The following UMAD1 variants were observed in gnomAD, a reference collection of about 807,000 sequenced individuals.
UMAD1 encodes the protein UBAP1-MVB12-associated (UMA) domain containing 1.
UMAD1 carries 8 observed loss-of-function variants against 6.1 expected under a neutral mutation model. The observed-to-expected ratio is 1.30, with a 90% CI of 0.76 to 2.35. The LOEUF is 2.35. Ranked by LOEUF, UMAD1 falls within the 30% of genes most tolerant of loss-of-function variation. The pLI is 0.00. For missense variants in UMAD1, 130 were observed against 78.4 expected, an observed-to-expected ratio of 1.66 and a Z score of -2.49; for synonymous variants, 56 against 31.4, an observed-to-expected ratio of 1.78 and a Z score of -2.61.
intron 2 of UMAD1, among the ~76,000 whole-genome samples, chr7:7,759,687 C>G (rs1781845455): frequency 6.6e-6 from 1 of 152,132 alleles, no homozygotes; most frequent in African/African-American, 2.4e-5. Flanking sequence ...GAAATTTAAG[C>G]TGGTCCTTTA....
chr7:7,761,910 C>T (rs796719772), intron 2 of UMAD1, among the ~76,000 whole-genome samples: 11 of 152,248 alleles, frequency 7.2e-5, no homozygotes, highest in African/African-American at 2.6e-4. Context: ...CCTTTGCAGG[C>T]CCTTTTCCCT....
At chr7:7,706,220 C>T (rs988562124) in intron 2 of UMAD1, among the ~76,000 whole-genome samples, 10 of 151,924 alleles carry the variant, frequency 6.6e-5, no homozygotes, top group African/African-American at 7.3e-5. Flanking sequence ...CAGAACAAAA[C>T]GGATAATCAC....
intron 2 of UMAD1, among the ~76,000 whole-genome samples, chr7:7,787,787 T>C (rs1386815262): frequency 1.3e-5 from 2 of 152,226 alleles, no homozygotes; most frequent in African/African-American, 4.8e-5. Flanking sequence ...ACCCTGTCCT[T>C]ATTGTAGAAA....
chr7:7,863,344 CTG>C (rs1466365092), intron 3 of UMAD1, among the ~76,000 whole-genome samples: 1 of 152,164 alleles, frequency 6.6e-6, no homozygotes, highest in Non-Finnish European at 1.5e-5. Context: ...ACTTTGAAAA[CTG>C]TATAGAGCAC....
At chr7:7,667,738 C>G (rs1242615832) in intron 1 of UMAD1, among the ~76,000 whole-genome samples, 1 of 152,194 alleles carries the variant, frequency 6.6e-6, no homozygotes, top group African/African-American at 2.4e-5. Context: ...ATGTATTTGA[C>G]TAACATTGAG....
intron 3 of UMAD1, among the ~76,000 whole-genome samples, chr7:7,810,195 C>G (rs1305423735): frequency 1.4e-5 from 2 of 144,360 alleles, no homozygotes; most frequent in Admixed American, 7.0e-5. Context: ...TTATGAAACT[C>G]TTTACTCACA....
chr7:7,657,669 A>G (rs1785375448), intron 1 of UMAD1, among the ~76,000 whole-genome samples: 2 of 151,920 alleles, frequency 1.3e-5, no homozygotes, highest in Admixed American at 1.3e-4. Context: ...CCATTGGTGT[A>G]TATCTCTGTT....
At chr7:7,817,443 T>C (rs1327795785) in intron 3 of UMAD1, among the ~76,000 whole-genome samples, 2 of 152,258 alleles carry the variant, frequency 1.3e-5, no homozygotes, top group Non-Finnish European at 1.5e-5. Flanking sequence ...GCTCTAACTT[T>C]GGATAACCTC....
chr7:7,837,034 C>A (rs994043576), intron 3 of UMAD1, among the ~76,000 whole-genome samples: 1 of 151,718 alleles, frequency 6.6e-6, no homozygotes, highest in Admixed American at 6.6e-5. Context: ...CCACATTAGA[C>A]ATATAATAGT....
At chr7:7,751,592 G>C (rs1335428770) in intron 2 of UMAD1, among the ~76,000 whole-genome samples, 1 of 152,170 alleles carries the variant, frequency 6.6e-6, no homozygotes, top group Non-Finnish European at 1.5e-5. Flanking sequence ...TTGTATATGA[G>C]GGTGGAGGGA....
chr7:7,855,863 C>T (rs1043698716), intron 3 of UMAD1, among the ~76,000 whole-genome samples: 32 of 152,282 alleles, frequency 2.1e-4, no homozygotes, highest in African/African-American at 6.7e-4. Context: ...AAATATCTTC[C>T]GCCAGATACC....
intron 3 of UMAD1, among the ~76,000 whole-genome samples, chr7:7,840,356 C>G (rs1783656495): frequency 6.6e-6 from 1 of 152,114 alleles, no homozygotes; most frequent in Non-Finnish European, 1.5e-5. Context: ...ATCTGAGGGA[C>G]TTTCATAGAA....
intron 3 of UMAD1, among the ~76,000 whole-genome samples, chr7:7,832,059 A>G (rs1003821910): frequency 1.3e-5 from 2 of 152,194 alleles, no homozygotes; most frequent in Admixed American, 6.5e-5. Flanking sequence ...GGCCCTTTGA[A>G]TGTTGACTCT....
At chr7:7,851,488 C>G (rs1783915986) in intron 3 of UMAD1, among the ~76,000 whole-genome samples, 1 of 152,140 alleles carries the variant, frequency 6.6e-6, no homozygotes, top group African/African-American at 2.4e-5. Flanking sequence ...AGAACATTTT[C>G]TGAAGTAGCT....
In UMAD1 at chr7:7,695,047, T is replaced by G. The variant is rs184928385; in HGVS notation, c.82+21594T>G. Among the ~76,000 whole-genome samples, 548 of 152,326 alleles carry G rather than the reference T, an allele frequency of 3.6e-3. 3 individuals carry two copies. Among genetic ancestry groups the G allele is most frequent in the Non-Finnish European group, 4.1e-3 (277 of 68,016 alleles). ...CCTTTTGCCATATCCTTGCCAGTGTTTGTCATTACCTTTCTTTTGGATAAA... is the reference window on the plus strand; with the variant it reads ...CCTTTTGCCATATCCTTGCCAGTGTGTGTCATTACCTTTCTTTTGGATAAA... On this transcript the variant is annotated intron_variant, in intron 2 of 3. Coordinates refer to ENST00000682710, the MANE Select transcript of UMAD1 (RefSeq NM_001302348.2).
At chr7:7,704,370 T>C (rs931978577) in intron 2 of UMAD1, among the ~76,000 whole-genome samples, 1 of 152,084 alleles carries the variant, frequency 6.6e-6, no homozygotes. Context: ...TTAACAGATA[T>C]AACTGACGTA....
At chr7:7,660,138 C>G (rs1037945823) in intron 1 of UMAD1, among the ~76,000 whole-genome samples, 4 of 152,064 alleles carry the variant, frequency 2.6e-5, no homozygotes, top group Non-Finnish European at 5.9e-5. Context: ...CTGTTTTTTG[C>G]TTTCCATTTG....
At chr7:7,876,279 A>G (rs1784417753) in intron 3 of UMAD1, among the ~76,000 whole-genome samples, 5 of 152,140 alleles carry the variant, frequency 3.3e-5, no homozygotes, top group Admixed American at 3.3e-4. Context: ...TAGCAAGGAG[A>G]CAGTGGGATT....
Position 7,670,703 on chromosome 7 carries a change from A to G in UMAD1, c.-63-2606A>G, listed in dbSNP as rs28915999. On this transcript the variant is annotated intron_variant, in intron 1 of 3. Transcript: ENST00000682710. ...GTGGTACTCTTGGTCTGGAGACTTC[A>G]TGAACTAAAAAGACAAGTAATCTGC... is the stretch of plus-strand genomic sequence containing the variant. Among the ~76,000 whole-genome samples, 781 of 152,306 alleles carry G rather than the reference A, an allele frequency of 5.1e-3. 6 individuals are homozygous for G. Among genetic ancestry groups the G allele is most frequent in the African/African-American group, 0.018 (747 of 41,562 alleles).
Sources: gnomAD v4.1 joint callset for allele counts (sites outside exome capture counted in the v4.1 genomes callset) on GRCh38, gnomAD v4.1.1 for gene constraint, MANE v1.5 for transcripts, NCBI Gene and HGNC (gene_info 2026-07-23, HGNC 2026-07-21) for gene names.